The following C10orf90 variants were observed in gnomAD, a reference collection of about 807,000 sequenced individuals.
The protein encoded by C10orf90 is chromosome 10 open reading frame 90.
C10orf90 carries 56 observed loss-of-function variants against 62.5 expected under a neutral mutation model. The observed-to-expected ratio is 0.90, with a 90% CI of 0.72 to 1.12. The LOEUF (loss-of-function observed/expected upper bound fraction) is 1.12. Ranked by LOEUF, C10orf90 falls within the 50% of genes most tolerant of loss-of-function variation. C10orf90 has a pLI of 0.00. For missense variants in C10orf90, 970 were observed against 880.4 expected (o/e 1.10, Z -1.29); for synonymous variants, 386 against 340.4 (o/e 1.13, Z -1.47).
chr10:126,478,263 C>G (rs1381559133), intron 4 of C10orf90, among the ~76,000 whole-genome samples: 1 of 152,184 alleles, frequency 6.6e-6, no homozygotes, highest in Non-Finnish European at 1.5e-5. Flanking sequence ...GTTCTGCCAC[C>G]CTTTAAGTGG....
chr10:126,564,870 A>ATC (rs1564873475), intron 2 of C10orf90, among the ~76,000 whole-genome samples: 1 of 7,442 alleles, frequency 1.3e-4, no homozygotes, highest in African/African-American at 3.9e-4. Context: ...TATATATTAT[A>ATC]TATAATATAT....
intron 2 of C10orf90, among the ~76,000 whole-genome samples, chr10:126,572,938 C>T (rs183747496): frequency 1.3e-5 from 2 of 152,170 alleles, no homozygotes; most frequent in East Asian, 2.0e-4. Context: ...AAGAAATAAC[C>T]ATAAAAACAG....
In C10orf90 at chr10:126,485,252, G is replaced by A. The variant is rs11244998; in HGVS notation, c.1534+18705C>T. Among the ~76,000 whole-genome samples the A allele has an allele frequency of 9.3e-3, 1,416 of 152,250 alleles. 37 individuals are homozygous for A. Among genetic ancestry groups the A allele is most frequent in the East Asian group, 0.062 (321 of 5,170 alleles). On this transcript the variant is annotated intron_variant, in intron 4 of 9. Coordinates refer to ENST00000488181, the MANE Select transcript of C10orf90 (RefSeq NM_001350921.2). ...AGGAAGTGGGCCTTCACCAGAACCCGACCATGCTGGCACCTGGATCTCAGA... is the reference window on the plus strand; with the variant it reads ...AGGAAGTGGGCCTTCACCAGAACCCAACCATGCTGGCACCTGGATCTCAGA...
At chr10:126,591,551 A>G in intron 2 of C10orf90, among the ~76,000 whole-genome samples, 1 of 152,204 alleles carries the variant, frequency 6.6e-6, no homozygotes, top group Non-Finnish European at 1.5e-5. Flanking sequence ...ATATCTCAAA[A>G]TAATAAGAGC....
chr10:126,563,452 G>C (rs528667740), intron 2 of C10orf90, among the ~76,000 whole-genome samples: 2 of 152,190 alleles, frequency 1.3e-5, no homozygotes, highest in Admixed American at 1.3e-4. Context: ...GGTGTGCAGC[G>C]TGGGAAAGAA....
At chr10:126,569,723 C>T (rs1164422922) in intron 2 of C10orf90, among the ~76,000 whole-genome samples, 2 of 152,018 alleles carry the variant, frequency 1.3e-5, no homozygotes, top group Non-Finnish European at 2.9e-5. Flanking sequence ...GTGTCTATGG[C>T]CAATCTATGC....
At chr10:126,566,301 A>C (rs1844388068) in intron 2 of C10orf90, among the ~76,000 whole-genome samples, 1 of 152,240 alleles carries the variant, frequency 6.6e-6, no homozygotes, top group Admixed American at 6.5e-5. Flanking sequence ...AAGTAAGCGA[A>C]TATTCATTAA....
intron 6 of C10orf90, 145 bp downstream of exon 6, chr10:126,461,256 A>T: frequency 1.2e-6 from 1 of 863,572 alleles, no homozygotes; most frequent in Non-Finnish European, 1.8e-6. Flanking sequence ...CAGAAAGCTT[A>T]GGGGACCTGC....
chr10:126,638,058 C>A (rs1446088164), intron 2 of C10orf90, among the ~76,000 whole-genome samples: 1 of 152,160 alleles, frequency 6.6e-6, no homozygotes, highest in East Asian at 1.9e-4. Context: ...AGGTTTCCAG[C>A]GTGGCTGACA....
intron 4 of C10orf90, among the ~76,000 whole-genome samples, chr10:126,490,312 C>T (rs536532046): frequency 6.6e-6 from 1 of 151,200 alleles, no homozygotes; most frequent in Admixed American, 6.6e-5. Flanking sequence ...TATGACATAC[C>T]TAGAGTGGTC....
At chr10:126,498,465 C>T (rs1025485848) in intron 4 of C10orf90, among the ~76,000 whole-genome samples, 1 of 152,124 alleles carries the variant, frequency 6.6e-6, no homozygotes, top group Admixed American at 6.5e-5. Context: ...GGTCTATAGC[C>T]CTCACCACCA....
intron 1 of C10orf90, among the ~76,000 whole-genome samples, chr10:126,654,796 A>C (rs1054749076): frequency 1.3e-5 from 2 of 152,202 alleles, no homozygotes; most frequent in Non-Finnish European, 2.9e-5. Flanking sequence ...GATTTAAAGC[A>C]AGAGATGTGA....
At position 126,571,602 on chromosome 10, in the gene C10orf90, G is replaced by T. The variant is rs542444937; in HGVS notation, c.314-57663C>A. 4.1e-4 allele frequency among the ~76,000 whole-genome samples: 63 copies of T among 152,304 alleles called. 2 individuals are homozygous for T. The highest frequency in any genetic ancestry group is 1.3e-3 in the African/African-American group (53 of 41,564). On this transcript the variant is annotated intron_variant, in intron 2 of 9. Coordinates refer to ENST00000488181, the MANE Select transcript of C10orf90 (RefSeq NM_001350921.2). ...ATTCCATTCAAAGGACGCAAATGAG[G>T]CATTCATTTCTCCTCCTGGCTTGAA...
intron 4 of C10orf90, among the ~76,000 whole-genome samples, chr10:126,467,803 TTC>T (rs1366587734): frequency 6.6e-6 from 1 of 152,210 alleles, no homozygotes; most frequent in Non-Finnish European, 1.5e-5. Flanking sequence ...TGTAAATTCC[TTC>T]TGTTATTGCA....
intron 2 of C10orf90, among the ~76,000 whole-genome samples, chr10:126,633,407 C>T (rs1845889145): frequency 6.6e-6 from 1 of 152,242 alleles, no homozygotes; most frequent in Non-Finnish European, 1.5e-5. Flanking sequence ...CAGGCCTGAT[C>T]CACCCAATGG....
At chr10:126,645,004 C>T (rs920043449) in intron 2 of C10orf90, among the ~76,000 whole-genome samples, 3 of 151,940 alleles carry the variant, frequency 2.0e-5, no homozygotes, top group African/African-American at 7.3e-5. Flanking sequence ...AGTAAACTAT[C>T]GCAAGAACAA....
intron 7 of C10orf90, among the ~76,000 whole-genome samples, chr10:126,455,885 G>GT (rs1859533557): frequency 1.3e-5 from 2 of 152,196 alleles, no homozygotes; most frequent in Admixed American, 1.3e-4. Context: ...CGGGTCCCCT[G>GT]ACTCAACACA....
chr10:126,585,662 T>A (rs1263831753), intron 2 of C10orf90, among the ~76,000 whole-genome samples: 5 of 151,824 alleles, frequency 3.3e-5, no homozygotes, highest in African/African-American at 4.8e-5. Context: ...CATGTATGAG[T>A]CAAGAGTAAA....
At chr10:126,568,224 G>A (rs1844432951) in intron 2 of C10orf90, among the ~76,000 whole-genome samples, 2 of 152,168 alleles carry the variant, frequency 1.3e-5, no homozygotes, top group African/African-American at 4.8e-5. Context: ...GACCCAACCG[G>A]GCTCTGTGTC....
Sources: allele counts gnomAD v4.1 joint callset (sites outside exome capture counted in the v4.1 genomes callset), GRCh38; gene constraint gnomAD v4.1.1; transcripts MANE v1.5; gene names NCBI Gene and HGNC (gene_info 2026-07-23, HGNC 2026-07-21).